Variants in RORA observed in about 807,000 individuals in gnomAD.
The protein encoded by RORA is nuclear receptor ROR-alpha.
RORA carries 7 observed loss-of-function variants against 69.5 expected under a neutral mutation model. The ratio of observed to expected loss-of-function variants is 0.10; its 90% CI spans 0.06 to 0.19. The LOEUF (loss-of-function observed/expected upper bound fraction) is 0.19, where lower values mean the gene tolerates loss of function less well. RORA is among the 10% of genes least tolerant of loss of function. The pLI is 1.00. For missense variants in RORA, 457 were observed against 663.0 expected, an observed-to-expected ratio of 0.69 and a Z score of 3.41; for synonymous variants, 261 against 240.8, an observed-to-expected ratio of 1.08 and a Z score of -0.78.
At chr15:60,765,927 A>T (rs1253845329) in intron 1 of RORA, among the ~76,000 whole-genome samples, 2 of 152,098 alleles carry the variant, frequency 1.3e-5, no homozygotes, top group Non-Finnish European at 2.9e-5. Flanking sequence ...AAACAAAAAG[A>T]ATCAAAGAGA....
chr15:60,851,067 G>C (rs778209004), intron 1 of RORA, among the ~76,000 whole-genome samples: 9 of 152,160 alleles, frequency 5.9e-5, no homozygotes, highest in Non-Finnish European at 1.3e-4. Context: ...ACATATTGCT[G>C]TTGTCAGGAC....
intron 1 of RORA, among the ~76,000 whole-genome samples, chr15:60,922,280 T>C (rs2140490604): frequency 6.6e-6 from 1 of 152,282 alleles, no homozygotes; most frequent in Admixed American, 6.5e-5. Context: ...TCCAAACCTG[T>C]AGAAGGCACA....
chr15:60,616,662 A>C (rs1378453671), intron 2 of RORA, among the ~76,000 whole-genome samples: 1 of 152,254 alleles, frequency 6.6e-6, no homozygotes, highest in African/African-American at 2.4e-5. Flanking sequence ...ACTGCATTTC[A>C]GGAAAAGAGC....
intron 1 of RORA, among the ~76,000 whole-genome samples, chr15:61,097,018 G>T (rs916985763): frequency 1.3e-5 from 2 of 152,218 alleles, no homozygotes; most frequent in East Asian, 3.8e-4. Context: ...CAAGGTCTTG[G>T]CATCCAGAGG....
chr15:61,064,547 G>A (rs954420880), intron 1 of RORA, among the ~76,000 whole-genome samples: 3 of 152,072 alleles, frequency 2.0e-5, no homozygotes, highest in East Asian at 1.9e-4. Context: ...GACCCTCCTC[G>A]CTCTATATTG....
At chr15:60,685,444 A>G (rs896188842) in intron 1 of RORA, among the ~76,000 whole-genome samples, 5 of 152,212 alleles carry the variant, frequency 3.3e-5, no homozygotes, top group African/African-American at 1.2e-4. Flanking sequence ...TAAAGAAAAA[A>G]TATCACTTTG....
chr15:61,059,020 T>G (rs900211588), intron 1 of RORA, among the ~76,000 whole-genome samples: 5 of 152,186 alleles, frequency 3.3e-5, no homozygotes, highest in African/African-American at 1.2e-4. Flanking sequence ...TCATCTTTGA[T>G]TTCTTCCTTA....
intron 2 of RORA, among the ~76,000 whole-genome samples, chr15:60,662,266 A>G (rs1323954080): frequency 6.6e-6 from 1 of 152,238 alleles, no homozygotes; most frequent in Non-Finnish European, 1.5e-5. Context: ...AGTTGCTAAC[A>G]GGCAAAATGA....
intron 1 of RORA, among the ~76,000 whole-genome samples, chr15:61,120,961 T>C (rs963582036): frequency 5.9e-5 from 9 of 151,682 alleles, no homozygotes; most frequent in East Asian, 5.9e-4. Flanking sequence ...GATTCTCCTG[T>C]CTCAGCTTCC....
At chr15:61,215,788 A>C (rs1335279073) in intron 1 of RORA, among the ~76,000 whole-genome samples, 1 of 152,152 alleles carries the variant, frequency 6.6e-6, no homozygotes, top group Non-Finnish European at 1.5e-5. Context: ...GCTAGAGTCT[A>C]TTTCTTAAAG....
At chr15:60,650,816 C>T (rs973743679) in intron 2 of RORA, 9 of 152,266 alleles carry the variant, frequency 5.9e-5, no homozygotes, top group Admixed American at 5.9e-4. Context: ...TTTTATAAAT[C>T]TATTTAGTTT....
At chr15:60,902,179 G>T (rs1891411276) in intron 1 of RORA, among the ~76,000 whole-genome samples, 1 of 152,106 alleles carries the variant, frequency 6.6e-6, no homozygotes, top group Non-Finnish European at 1.5e-5. Context: ...TTGATATTTG[G>T]CTTTTTAAAA....
intron 1 of RORA, among the ~76,000 whole-genome samples, chr15:61,126,721 A>G (rs2079145245): frequency 6.6e-6 from 1 of 152,222 alleles, no homozygotes; most frequent in African/African-American, 2.4e-5. Flanking sequence ...TCCATTTTAC[A>G]GAAGAGAAAA....
At chr15:61,052,083 C>T (rs2078022646) in intron 1 of RORA, among the ~76,000 whole-genome samples, 1 of 152,200 alleles carries the variant, frequency 6.6e-6, no homozygotes, top group Admixed American at 6.5e-5. Context: ...ACAGAGGATG[C>T]CTGGTGAGGA....
At chr15:60,588,132 G>T in intron 2 of RORA, among the ~76,000 whole-genome samples, 1 of 152,128 alleles carries the variant, frequency 6.6e-6, no homozygotes. Flanking sequence ...ACTATCAAAT[G>T]TCAATTCACA....
At chr15:60,989,542 T>C (rs1362464368) in intron 1 of RORA, among the ~76,000 whole-genome samples, 1 of 152,210 alleles carries the variant, frequency 6.6e-6, no homozygotes, top group Non-Finnish European at 1.5e-5. Context: ...AATTTCTGTG[T>C]GAATATATGT....
chr15:61,008,269 A>T (rs1325731988), intron 1 of RORA, among the ~76,000 whole-genome samples: 1 of 151,012 alleles, frequency 6.6e-6, no homozygotes, highest in Non-Finnish European at 1.5e-5. Context: ...AAAAAATGAA[A>T]CCCACTGTCT....
chr15:60,574,526 T>G (rs2140462673), intron 2 of RORA, among the ~76,000 whole-genome samples: 1 of 152,344 alleles, frequency 6.6e-6, no homozygotes, highest in Admixed American at 6.5e-5. Flanking sequence ...CGGCTAAGGC[T>G]GGATGAACTC....
intron 1 of RORA, among the ~76,000 whole-genome samples, chr15:61,088,134 T>A (rs2078652605): frequency 6.6e-6 from 1 of 152,166 alleles, no homozygotes; most frequent in Non-Finnish European, 1.5e-5. Flanking sequence ...GGCACTCACA[T>A]GTTGGCCAGA....
Sources: gnomAD v4.1 joint callset for allele counts (sites outside exome capture counted in the v4.1 genomes callset) on GRCh38, gnomAD v4.1.1 for gene constraint, MANE v1.5 for transcripts, NCBI Gene and HGNC (gene_info 2026-07-23, HGNC 2026-07-21) for gene names.